ARMCX4: variants seen among roughly 807,000 people sequenced by gnomAD.
ARMCX4 encodes the protein armadillo repeat containing X-linked 4.
Under a neutral mutation model 34.7 loss-of-function variants are expected in ARMCX4, and 3 were observed. The ratio of observed to expected loss-of-function variants is 0.09; its 90% confidence interval spans 0.04 to 0.22. The LOEUF is 0.22. Ranked by LOEUF, ARMCX4 falls within the 10% of genes least tolerant of loss-of-function variation. The pLI is 1.00. For missense variants in ARMCX4, 1,448 were observed against 1,720.8 expected (o/e 0.84, Z 2.81); for synonymous variants, 513 against 632.8 (o/e 0.81, Z 2.84).
chrX:101,477,633 A>C (rs1933260167), intron 4 of ARMCX4, among the ~76,000 whole-genome samples: 1 of 109,171 alleles, frequency 9.2e-6, no homozygotes, highest in African/African-American at 3.3e-5. Flanking sequence ...TCATAAGGCT[A>C]GTATAATTAT....
intron 2 of ARMCX4, among the ~76,000 whole-genome samples, chrX:101,440,218 C>G (rs1159148100): frequency 1.8e-5 from 2 of 112,182 alleles, no homozygotes; most frequent in Non-Finnish European, 3.8e-5. Flanking sequence ...AGCTTCAGGT[C>G]TGTTGGAGTT....
chrX:101,469,481 T>C (rs1434306802), intron 4 of ARMCX4, among the ~76,000 whole-genome samples: 2 of 111,885 alleles, frequency 1.8e-5, no homozygotes, highest in African/African-American at 6.5e-5. Context: ...TAGGTACATA[T>C]ATATGCATGA....
chrX:101,418,597 G>A (rs1457499069), intron 1 of ARMCX4, among the ~76,000 whole-genome samples: 2 of 111,252 alleles, frequency 1.8e-5, no homozygotes, highest in African/African-American at 6.5e-5. Flanking sequence ...GCCGGCCCCA[G>A]CTGGGTCCTC....
At chrX:101,496,069 G>A (rs782642511), downstream of ARMCX4, among the ~76,000 whole-genome samples, 22 of 110,714 alleles carry the variant, frequency 2.0e-4, no homozygotes, top group African/African-American at 6.9e-4. Context: ...AAAAAGGCAT[G>A]GAGATGGGAA....
chrX:101,459,778 A>G (rs1293602297), intron 4 of ARMCX4, among the ~76,000 whole-genome samples: 2 of 112,451 alleles, frequency 1.8e-5, no homozygotes, highest in African/African-American at 6.5e-5. Context: ...AGGTTTTCCC[A>G]TTTTTTCCTC....
downstream of ARMCX4, among the ~76,000 whole-genome samples, chrX:101,496,342 T>G (rs1316732369): frequency 9.3e-6 from 1 of 108,082 alleles, no homozygotes; most frequent in Non-Finnish European, 1.9e-5. Flanking sequence ...GGGATAGGAG[T>G]GGTGACTGGA....
chrX:101,471,200 T>A (rs1556002913), intron 4 of ARMCX4, among the ~76,000 whole-genome samples: 1 of 112,575 alleles, frequency 8.9e-6, no homozygotes, highest in Non-Finnish European at 1.9e-5. Context: ...GTAAGTCCTT[T>A]GTCAGCTACA....
At chrX:101,476,195 G>A in intron 4 of ARMCX4, among the ~76,000 whole-genome samples, 1 of 109,267 alleles carries the variant, frequency 9.2e-6, no homozygotes, top group African/African-American at 3.3e-5. Context: ...TTTATTGAGT[G>A]CTTACTATGT....
In ARMCX4 at chrX:101,493,372, G is replaced by A. The variant is rs1207742074; in HGVS notation, c.4783G>A (p.Gly1595Arg). The A allele has an allele frequency of 5.2e-6, 6 of 1,153,451 alleles. No homozygotes were observed. Among genetic ancestry groups the A allele is most frequent in the Non-Finnish European group, 6.9e-6 (6 of 872,408 alleles). ...GCCTGGTGCTGGGGACCAGACTGGTGGAGGCTCCAGGCCAGGGTCTGAGGA... is the reference window on the plus strand; with the variant it reads ...GCCTGGTGCTGGGGACCAGACTGGTAGAGGCTCCAGGCCAGGGTCTGAGGA... Reference protein sequence around the residue: ...FWPGAGDQTGGGSRPGSEDQS... With the variant: ...FWPGAGDQTGRGSRPGSEDQS... The change falls in exon 6 of 6, where the codon GGA becomes AGA. Residue 1595 changes from glycine to arginine, a missense_variant. Around this residue, in one of 2 missense-constraint regions of ARMCX4, gnomAD observed 1,343 missense variants for 1,540.7 expected, o/e 0.87. Coordinates refer to ENST00000423738, the MANE Select transcript of ARMCX4 (RefSeq NM_001256155.3).
At chrX:101,434,184 C>A (rs1310871026) in intron 2 of ARMCX4, among the ~76,000 whole-genome samples, 1 of 109,681 alleles carries the variant, frequency 9.1e-6, no homozygotes, top group African/African-American at 3.3e-5. Flanking sequence ...TGAGCTCAAG[C>A]GATCTGCCCA....
intron 4 of ARMCX4, among the ~76,000 whole-genome samples, chrX:101,474,984 A>G (rs1215338426): frequency 5.5e-5 from 5 of 90,865 alleles, no homozygotes; most frequent in African/African-American, 2.2e-4. Flanking sequence ...AGAAGGAAGA[A>G]AAAAAAAAAA....
intron 4 of ARMCX4, among the ~76,000 whole-genome samples, chrX:101,476,937 T>C (rs1398743702): frequency 1.8e-5 from 2 of 110,409 alleles, no homozygotes; most frequent in Non-Finnish European, 3.8e-5. Context: ...GCAATTCTGA[T>C]CAAAGAAAAA....
intron 7 of ARMCX4, among the ~76,000 whole-genome samples, chrX:101,503,674 T>G (rs1318285475): frequency 1.8e-5 from 2 of 111,989 alleles, no homozygotes; most frequent in African/African-American, 6.5e-5. Flanking sequence ...TCATTGTAGA[T>G]TCTGGATATT....
chrX:101,458,782 C>G (rs781948649), intron 4 of ARMCX4, among the ~76,000 whole-genome samples: 1 of 111,687 alleles, frequency 9.0e-6, no homozygotes, highest in Admixed American at 9.5e-5. Context: ...CCACTGTGCC[C>G]GGCTCAATAT....
chrX:101,466,603 T>G (rs139828453), intron 4 of ARMCX4, among the ~76,000 whole-genome samples: 37 of 112,480 alleles, frequency 3.3e-4, no homozygotes, highest in African/African-American at 1.1e-3. Context: ...AAGCACTATG[T>G]TAAATGAATC....
intron 4 of ARMCX4, among the ~76,000 whole-genome samples, chrX:101,476,334 A>G (rs868993978): frequency 9.1e-6 from 1 of 109,569 alleles, no homozygotes; most frequent in African/African-American, 3.3e-5. Context: ...AAGTCCTGTA[A>G]TGATTTCACA....
chrX:101,512,807 CATATATACACAT>C (rs201417861), intron 11 of ARMCX4, among the ~76,000 whole-genome samples: 3,445 of 90,544 alleles, frequency 0.038, 191 homozygotes, highest in African/African-American at 0.15. Context: ...CATATATACA[CATATATACACAT>C]ATATATACAC....
chrX:101,527,830 C>G (rs1389271884), intron 11 of ARMCX4, among the ~76,000 whole-genome samples: 2 of 111,338 alleles, frequency 1.8e-5, no homozygotes, highest in African/African-American at 6.5e-5. Flanking sequence ...GAAATTGAGG[C>G]AATAATTAAT....
chrX:101,471,855 G>C (rs1473339642), intron 4 of ARMCX4, among the ~76,000 whole-genome samples: 3 of 110,820 alleles, frequency 2.7e-5, no homozygotes, highest in African/African-American at 9.9e-5. Flanking sequence ...CAAAGGTGGG[G>C]AAAAAATAGA....
Sources: allele counts gnomAD v4.1 joint callset (sites outside exome capture counted in the v4.1 genomes callset), GRCh38; gene constraint gnomAD v4.1.1; regional missense constraint gnomAD v4.1.1; transcripts MANE v1.5; gene names NCBI Gene and HGNC (gene_info 2026-07-23, HGNC 2026-07-21).